PRKCE: variants seen among roughly 807,000 people sequenced by gnomAD.
The protein encoded by PRKCE is protein kinase C epsilon type.
PRKCE carries 16 observed loss-of-function variants against 85.4 expected under a neutral mutation model. That is an observed-to-expected ratio of 0.19 (90% CI 0.13 to 0.28). PRKCE has a LOEUF of 0.28. Ranked by LOEUF, PRKCE falls within the 10% of genes least tolerant of loss-of-function variation. PRKCE has a pLI of 1.00. For synonymous variants in PRKCE, 388 were observed against 371.5 expected (o/e 1.04, Z -0.51); for missense variants, 573 against 975.2 (o/e 0.59, Z 5.49).
intron 10 of PRKCE, among the ~76,000 whole-genome samples, chr2:46,084,956 T>C (rs747229980): frequency 4.6e-5 from 7 of 152,110 alleles, no homozygotes; most frequent in Admixed American, 6.5e-5. Flanking sequence ...CTCCTTTTTC[T>C]CTGAATCTTT....
At chr2:45,754,737 CA>C (rs1017025928) in intron 1 of PRKCE, among the ~76,000 whole-genome samples, 1 of 152,226 alleles carries the variant, frequency 6.6e-6, no homozygotes, top group African/African-American at 2.4e-5. Context: ...TCCCTCGCTG[CA>C]ATTTAAATGC....
At position 45,652,029 on chromosome 2, in the gene PRKCE, C is replaced by CG. The variant is rs1418905014; in HGVS notation, c.-69dup. 5.7e-6 allele frequency: 7 copies of CG among 1,231,754 alleles called. No homozygotes were observed. In the East Asian group the frequency reaches 1.7e-4, roughly 29 times the overall value. The allele number at this position is 1,231,754 out of a possible 1,614,324, so 76.3% of individuals were successfully genotyped here. A position where few individuals can be genotyped will look rare whatever the true frequency, so the allele number is the denominator to read the frequency against. ...CAAGAGTCCCTGTGGCTCGGAGTGC[C>CG]GGGCCGTCGGTTCTTCATTCCTGCC... On this transcript the variant is annotated 5_prime_UTR_variant, in exon 1 of 15. Transcript: ENST00000306156. The surrounding 1 kb of genome is among the most constrained non-coding windows in gnomAD (Gnocchi z 7.7).
At chr2:46,039,719 C>T (rs1255799707) in intron 10 of PRKCE, among the ~76,000 whole-genome samples, 1 of 152,154 alleles carries the variant, frequency 6.6e-6, no homozygotes, top group South Asian at 2.1e-4. Flanking sequence ...GTTGTTTATT[C>T]CAGAAATAGT....
chr2:46,165,502 T>C (rs912319815), intron 14 of PRKCE, among the ~76,000 whole-genome samples: 3 of 152,232 alleles, frequency 2.0e-5, no homozygotes, highest in African/African-American at 7.2e-5. Context: ...AAGCCTTCGA[T>C]GCTGGAGAAA....
intron 2 of PRKCE, among the ~76,000 whole-genome samples, chr2:45,878,505 TA>T (rs373886333): frequency 6.6e-6 from 1 of 152,194 alleles, no homozygotes; most frequent in Non-Finnish European, 1.5e-5. Context: ...TTCCTAATCT[TA>T]AAAAATCTTC....
At chr2:45,983,952 T>TG (rs1390741283) in intron 5 of PRKCE, among the ~76,000 whole-genome samples, 1 of 150,886 alleles carries the variant, frequency 6.6e-6, no homozygotes, top group East Asian at 1.9e-4. Context: ...TTTTTTTTTT[T>TG]TTTGAGACAG....
At chr2:45,776,937 T>C (rs1416990038) in intron 1 of PRKCE, among the ~76,000 whole-genome samples, 1 of 151,246 alleles carries the variant, frequency 6.6e-6, no homozygotes, top group Non-Finnish European at 1.5e-5. Flanking sequence ...AAAGTTATCA[T>C]TTTTTTTTTG....
chr2:45,944,153 G>C (rs1700073716), intron 2 of PRKCE, among the ~76,000 whole-genome samples: 1 of 152,186 alleles, frequency 6.6e-6, no homozygotes, highest in African/African-American at 2.4e-5. Flanking sequence ...AAGCCTTTTA[G>C]GCCCGAATCA....
rs1158289181 is a variant in PRKCE, at chr2:45,652,282, A to G, written c.182A>G (p.Asn61Ser). ...IGQTATKQKT[N>S]SPAWHDEFVT... ...CAAACGGCCACCAAGCAGAAGACCA[A>G]CAGCCCGGCCTGGCACGACGAGTTC... Residue 61 changes from asparagine (N) to serine (S), a missense_variant, in exon 1 of 15, where the codon AAC becomes AGC. Asn to Ser is a conservative substitution (Grantham distance 46, BLOSUM62 1). Transcript: ENST00000306156. This position sits in a 1 kb window ranked among gnomAD's most constrained non-coding sequence, Gnocchi z 7.7. 2 of 1,613,550 alleles carry G rather than the reference A, an allele frequency of 1.2e-6. No homozygotes were observed. Among genetic ancestry groups the G allele is most frequent in the Non-Finnish European group, 1.7e-6 (2 of 1,180,016 alleles).
At chr2:45,744,676 C>T (rs536908485) in intron 1 of PRKCE, among the ~76,000 whole-genome samples, 2 of 151,512 alleles carry the variant, frequency 1.3e-5, no homozygotes, top group African/African-American at 4.9e-5. Flanking sequence ...GGTGCCGTCT[C>T]CGGCTCACTG....
intron 2 of PRKCE, among the ~76,000 whole-genome samples, chr2:45,921,577 C>G (rs979835013): frequency 1.3e-5 from 2 of 152,212 alleles, no homozygotes; most frequent in African/African-American, 4.8e-5. Context: ...TGCTCAAGGT[C>G]CTAGCTGGTA....
intron 1 of PRKCE, among the ~76,000 whole-genome samples, chr2:45,653,221 G>C (rs1281546553): frequency 6.6e-6 from 1 of 152,146 alleles, no homozygotes; most frequent in East Asian, 1.9e-4. Context: ...ATGAGATTGA[G>C]TTGTTAATTG....
intron 1 of PRKCE, among the ~76,000 whole-genome samples, chr2:45,688,778 C>T (rs1200411695): frequency 6.6e-6 from 1 of 152,192 alleles, no homozygotes; most frequent in African/African-American, 2.4e-5. Flanking sequence ...TGCAAGGATA[C>T]ACTTTCTAAT....
intron 1 of PRKCE, among the ~76,000 whole-genome samples, chr2:45,758,366 C>T (rs965425987): frequency 1.3e-5 from 2 of 152,086 alleles, no homozygotes; most frequent in Non-Finnish European, 2.9e-5. Context: ...ATTATCTACT[C>T]TTGGGGAGAA....
intron 1 of PRKCE, among the ~76,000 whole-genome samples, 177 bp from the exon 2 acceptor site, chr2:45,842,823 G>T (rs1691465441): frequency 6.6e-6 from 1 of 152,194 alleles, no homozygotes. Flanking sequence ...GCTACCTATG[G>T]GGTATGCATC....
intron 11 of PRKCE, among the ~76,000 whole-genome samples, chr2:46,137,318 A>T (rs1307969866): frequency 2.0e-5 from 3 of 152,234 alleles, no homozygotes; most frequent in Non-Finnish European, 2.9e-5. Context: ...CTCAGATCAC[A>T]TGTAGGCACA....
Position 46,100,871 on chromosome 2 carries a change from CTTCTCTTCT to C in PRKCE, c.1592+14510_1592+14518del, listed in dbSNP as rs1259033781. 1.8e-4 allele frequency among the ~76,000 whole-genome samples: 27 copies of C among 151,964 alleles called. No individual in the cohort carries two copies. In the East Asian group the frequency reaches 5.1e-3, roughly 28 times the overall value. On this transcript the variant is annotated intron_variant, in intron 11 of 14. Coordinates refer to ENST00000306156, the MANE Select transcript of PRKCE (RefSeq NM_005400.3). ...CCTTTTCTTTTTTCTCTTCTCTTCT[CTTCTCTTCT>C]CTTTTCTTGATGGGATCTCGCTCTG...
chr2:45,947,879 C>G (rs1051004780), intron 2 of PRKCE, among the ~76,000 whole-genome samples: 1 of 152,086 alleles, frequency 6.6e-6, no homozygotes, highest in African/African-American at 2.4e-5. Context: ...CTTTTATAAC[C>G]TATTGTACTT....
intron 1 of PRKCE, among the ~76,000 whole-genome samples, chr2:45,727,867 C>T (rs1338988087): frequency 2.6e-5 from 4 of 152,118 alleles, no homozygotes; most frequent in African/African-American, 9.7e-5. Flanking sequence ...GTTGGTCAGG[C>T]TGGTCTCAAA....
Sources: allele counts gnomAD v4.1 joint callset (sites outside exome capture counted in the v4.1 genomes callset), GRCh38; gene constraint gnomAD v4.1.1; non-coding constraint Gnocchi (gnomAD v3.1); transcripts MANE v1.5; gene names NCBI Gene and HGNC (gene_info 2026-07-23, HGNC 2026-07-21).